Variants in MTFR1 observed in about 807,000 individuals in gnomAD.
MTFR1 encodes the protein mitochondrial fission regulator 1, also known as chondrocyte protein with a poly-proline region.
MTFR1 carries 28 observed loss-of-function variants against 38.8 expected under a neutral mutation model. The ratio of observed to expected loss-of-function variants is 0.72; its 90% CI spans 0.53 to 0.99. The LOEUF (loss-of-function observed/expected upper bound fraction) is 0.99, where lower values mean the gene tolerates loss of function less well. Among genes scored for constraint, MTFR1 ranks in the 50% least tolerant of loss-of-function variants. MTFR1 has a pLI of 0.00. For synonymous variants in MTFR1, 145 were observed against 137.0 expected, an observed-to-expected ratio of 1.06 and a Z score of -0.41; for missense variants, 358 against 395.5, an observed-to-expected ratio of 0.91 and a Z score of 0.81.
At chr8:65,658,597 TACACACACATGTGTGCATGCACATATAC>T in intron 1 of MTFR1, among the ~76,000 whole-genome samples, 1 of 152,308 alleles carries the variant, frequency 6.6e-6, no homozygotes, top group Middle Eastern at 3.4e-3. Flanking sequence ...AGGAATTGAA[TACACACACATGTGTGCATGCACATATAC>T]ACACACACAC....
chr8:65,757,826 C>T (rs1203286801), intron 3 of MTFR1, among the ~76,000 whole-genome samples: 5 of 152,162 alleles, frequency 3.3e-5, no homozygotes, highest in African/African-American at 1.2e-4. Flanking sequence ...ACCATATTGG[C>T]CAGGCTGGTC....
At position 65,703,010 on chromosome 8, in the gene MTFR1, A is replaced by G. The variant is rs546796714; in HGVS notation, c.282-1684A>G. The stretch of plus-strand genomic sequence containing the variant: ...ACCAAAACAAATGAATGAAACCAGT[A>G]GAAATCTCACTAGCAGAAATTGGTA... On this transcript the variant is annotated intron_variant, in intron 4 of 7. Coordinates refer to ENST00000262146, the MANE Select transcript of MTFR1 (RefSeq NM_014637.4). Among the ~76,000 whole-genome samples, 4 of 152,280 alleles carry G rather than the reference A, an allele frequency of 2.6e-5. No homozygotes were observed. In the South Asian group the frequency reaches 8.3e-4, roughly 32 times the overall value.
At chr8:65,687,003 A>G (rs1805104967) in intron 3 of MTFR1, among the ~76,000 whole-genome samples, 1 of 151,954 alleles carries the variant, frequency 6.6e-6, no homozygotes, top group South Asian at 2.1e-4. Context: ...AAAGTCTTGT[A>G]TTTCCACAAG....
chr8:65,744,042 A>AG (rs1807560493), intron 3 of MTFR1, among the ~76,000 whole-genome samples: 1 of 152,208 alleles, frequency 6.6e-6, no homozygotes, highest in African/African-American at 2.4e-5. Flanking sequence ...CATGTTGGCC[A>AG]GGCTGGTCTT....
chr8:65,710,224 G>T lies in MTFR1; in HGVS notation c.*1180G>T, dbSNP rs1160961323. On this transcript the variant is annotated 3_prime_UTR_variant, in exon 8 of 8. Coordinates refer to ENST00000262146, the MANE Select transcript of MTFR1 (RefSeq NM_014637.4). Reference sequence around the variant, plus strand: ...GAAGAAAGTTGTACTTCCTGGCTGGGAGTATTAGGAGATGGGAGTAGAGAT... The same window carrying T: ...GAAGAAAGTTGTACTTCCTGGCTGGTAGTATTAGGAGATGGGAGTAGAGAT... 6.6e-6 allele frequency: 1 copy of T among 152,188 alleles called. No individual in the cohort carries two copies. The highest frequency in any genetic ancestry group is 2.4e-5 in the African/African-American group (1 of 41,456). The allele number at this position is 152,188 out of a possible 1,614,324, so 9.4% of individuals were successfully genotyped here.
intron 3 of MTFR1, among the ~76,000 whole-genome samples, chr8:65,686,471 C>G (rs1805078260): frequency 6.6e-6 from 1 of 150,486 alleles, no homozygotes; most frequent in Non-Finnish European, 1.5e-5. Flanking sequence ...ACTCAGGAAG[C>G]TGAGGCAGGA....
intron 3 of MTFR1, among the ~76,000 whole-genome samples, chr8:65,734,269 C>G (rs1460003762): frequency 1.1e-4 from 16 of 152,122 alleles, no homozygotes; most frequent in Admixed American, 1.0e-3. Context: ...ATGCATTCAC[C>G]ACCACATCCT....
At chr8:65,654,054 CTT>C (rs1484052003) in intron 1 of MTFR1, among the ~76,000 whole-genome samples, 2 of 128,404 alleles carry the variant, frequency 1.6e-5, no homozygotes, top group African/African-American at 5.8e-5. Context: ...CAGAGTGAGA[CTT>C]TGTCTCTCAA....
intron 3 of MTFR1, among the ~76,000 whole-genome samples, chr8:65,692,507 T>G (rs977211284): frequency 3.9e-5 from 6 of 152,152 alleles, no homozygotes; most frequent in Admixed American, 1.3e-4. Context: ...CTGGCTAATT[T>G]TTTTGTATTT....
intron 3 of MTFR1, chr8:65,725,647 T>C (rs560759553): frequency 6.6e-6 from 1 of 152,174 alleles, no homozygotes; most frequent in African/African-American, 2.4e-5. Flanking sequence ...TATCTCTGTA[T>C]AATGATCAGT....
In MTFR1 at chr8:65,734,256, G is replaced by A. The variant is rs56256477; in HGVS notation, c.*48+14775G>A. On this transcript the variant is annotated intron_variant, in intron 3 of 3. Transcript: ENST00000521247. ...TTCACTGACTTCTGTTTCTTTCCCCGAAATGCATTCACCACCACATCCTGT... is the reference window on the plus strand; with the variant it reads ...TTCACTGACTTCTGTTTCTTTCCCCAAAATGCATTCACCACCACATCCTGT... 8.6e-3 allele frequency among the ~76,000 whole-genome samples: 1,314 copies of A among 152,098 alleles called. 18 individuals carry two copies. The highest frequency in any genetic ancestry group is 0.03 in the African/African-American group (1,242 of 41,482).
intron 1 of MTFR1, among the ~76,000 whole-genome samples, chr8:65,663,126 G>A (rs892084375): frequency 1.1e-4 from 16 of 152,178 alleles, no homozygotes; most frequent in African/African-American, 3.9e-4. Context: ...ATATCGGATG[G>A]TTGCCGTGTC....
At chr8:65,689,532 C>G (rs761896373) in intron 3 of MTFR1, 2 of 1,231,156 alleles carry the variant, frequency 1.6e-6, no homozygotes, top group East Asian at 5.8e-5. Flanking sequence ...ATTTCTATCT[C>G]TTCACTTTTT....
At chr8:65,686,435 G>A (rs2129054544) in intron 3 of MTFR1, among the ~76,000 whole-genome samples, 1 of 152,016 alleles carries the variant, frequency 6.6e-6, no homozygotes, top group East Asian at 1.9e-4. Flanking sequence ...AGCCAGGCAT[G>A]ATAGCAAGTG....
intron 3 of MTFR1, among the ~76,000 whole-genome samples, chr8:65,734,030 G>A (rs1353653221): frequency 1.3e-5 from 2 of 152,152 alleles, no homozygotes; most frequent in African/African-American, 4.8e-5. Context: ...CATACATTAA[G>A]TCTGATTTCT....
intron 3 of MTFR1, among the ~76,000 whole-genome samples, chr8:65,769,712 A>G (rs1808984212): frequency 6.6e-6 from 1 of 152,182 alleles, no homozygotes; most frequent in African/African-American, 2.4e-5. Flanking sequence ...CCTGGCCAAC[A>G]TAGTGAAACC....
intron 1 of MTFR1, among the ~76,000 whole-genome samples, chr8:65,664,832 C>T (rs1275474278): frequency 6.6e-6 from 1 of 151,878 alleles, no homozygotes; most frequent in African/African-American, 2.4e-5. Context: ...AGGTGATCTG[C>T]CCACCTTGGC....
At chr8:65,756,915 G>T (rs1396520652) in intron 3 of MTFR1, among the ~76,000 whole-genome samples, 1 of 151,928 alleles carries the variant, frequency 6.6e-6, no homozygotes, top group African/African-American at 2.4e-5. Context: ...AAATTTTGCT[G>T]GCTTATGATA....
intron 3 of MTFR1, among the ~76,000 whole-genome samples, chr8:65,738,888 G>A (rs1807269861): frequency 6.6e-6 from 1 of 152,244 alleles, no homozygotes; most frequent in African/African-American, 2.4e-5. Flanking sequence ...TGTGGCCAAT[G>A]TAAGGAACAT....
Sources: gnomAD v4.1 joint callset for allele counts (sites outside exome capture counted in the v4.1 genomes callset) on GRCh38, gnomAD v4.1.1 for gene constraint, MANE v1.5 for transcripts, NCBI Gene and HGNC (gene_info 2026-07-23, HGNC 2026-07-21) for gene names.